RLN2: variants seen among roughly 807,000 people sequenced by gnomAD.
The protein encoded by RLN2 is relaxin 2.
In RLN2, 10 loss-of-function variants were observed where a neutral mutation model predicts 7.3. That is an observed-to-expected ratio of 1.36 (90% CI 0.84 to 2.31). RLN2 has a LOEUF of 2.31. Among genes scored for constraint, RLN2 ranks in the 30% most tolerant of loss-of-function variants. The pLI, the probability that RLN2 is intolerant of heterozygous loss-of-function variation, is 0.00. For synonymous variants in RLN2, 103 were observed against 82.3 expected (o/e 1.25, Z -1.36); for missense variants, 298 against 217.6 (o/e 1.37, Z -2.32).
chr9:5,307,961 T>C (rs1385248390), upstream of RLN2, among the ~76,000 whole-genome samples: 1 of 152,066 alleles, frequency 6.6e-6, no homozygotes, highest in East Asian at 1.9e-4. Context: ...TCTTATTGTT[T>C]CCCATGATCT....
rs771949229 is a variant in RLN2 at position 5,304,591 on chromosome 9, G to A, written c.-11C>T. On this transcript the variant is annotated 5_prime_UTR_variant, in exon 1 of 2. Transcript: ENST00000381627. ...AAACAGGCGAGGCATCCTGGGCCTG[G>A]TCTCTCCTGGAGGTCGGGACGTTGC... is the stretch of plus-strand genomic sequence containing the variant. 1.1e-5 allele frequency: 18 copies of A among 1,613,044 alleles called. 1 individual carries two copies. The highest frequency in any genetic ancestry group is 1.4e-5 in the Non-Finnish European group (17 of 1,179,364).
At chr9:5,301,534 T>C (rs1314119921) in intron 1 of RLN2, among the ~76,000 whole-genome samples, 2 of 152,222 alleles carry the variant, frequency 1.3e-5, no homozygotes, top group Non-Finnish European at 2.9e-5. Context: ...CGATGATGTT[T>C]AAATTACAGT....
At chr9:5,325,542 T>C in the RLN2 span, among the ~76,000 whole-genome samples, 1 of 151,988 alleles carries the variant, frequency 6.6e-6, no homozygotes, top group East Asian at 1.9e-4. Flanking sequence ...ATGGCCTGTA[T>C]CACAAAGAAA....
the RLN2 span, among the ~76,000 whole-genome samples, chr9:5,317,899 G>C: frequency 6.6e-6 from 1 of 151,960 alleles, no homozygotes; most frequent in Admixed American, 6.6e-5. Flanking sequence ...TGTTGACGAA[G>C]TGTGGGAGAG....
the RLN2 span, among the ~76,000 whole-genome samples, chr9:5,313,270 G>A: frequency 1.3e-5 from 2 of 152,012 alleles, no homozygotes; most frequent in African/African-American, 2.4e-5. Flanking sequence ...GAATGCATAT[G>A]TATTTACTTT....
At chr9:5,327,848 C>T in the RLN2 span, among the ~76,000 whole-genome samples, 8 of 152,086 alleles carry the variant, frequency 5.3e-5, no homozygotes, top group African/African-American at 1.7e-4. Context: ...AACTAATAAA[C>T]GGAAATGAAT....
chr9:5,311,969 C>T, the RLN2 span, among the ~76,000 whole-genome samples: 5 of 151,906 alleles, frequency 3.3e-5, no homozygotes, highest in Non-Finnish European at 7.4e-5. Context: ...CAAACAACCC[C>T]ATCAAAAAGT....
chr9:5,337,420 A>C, the RLN2 span, among the ~76,000 whole-genome samples: 1 of 152,060 alleles, frequency 6.6e-6, no homozygotes, highest in East Asian at 1.9e-4. Context: ...GGCTCAGAGA[A>C]AATATTCTGT....
the RLN2 span, among the ~76,000 whole-genome samples, chr9:5,332,100 TAA>T: frequency 0.012 from 1,840 of 152,110 alleles, 31 homozygotes; most frequent in Middle Eastern, 0.031. Flanking sequence ...GAAATAATAT[TAA>T]GTCAATTAAA....
the RLN2 span, among the ~76,000 whole-genome samples, chr9:5,320,812 A>T: frequency 6.6e-6 from 1 of 152,136 alleles, no homozygotes; most frequent in South Asian, 2.1e-4. Context: ...TGGAAGAAAG[A>T]TAGTTCTGTC....
At chr9:5,327,758 C>G in the RLN2 span, among the ~76,000 whole-genome samples, 5 of 152,062 alleles carry the variant, frequency 3.3e-5, no homozygotes, top group South Asian at 8.3e-4. Context: ...ACTGGTGATA[C>G]CCAGGCAAAT....
At chr9:5,326,554 T>C in the RLN2 span, among the ~76,000 whole-genome samples, 3 of 151,808 alleles carry the variant, frequency 2.0e-5, no homozygotes, top group South Asian at 2.1e-4. Flanking sequence ...ACTCAGAGCA[T>C]AGGGCAGTGA....
In RLN2 at chr9:5,304,585, G is replaced by A; in HGVS notation, c.-5C>T. The A allele has an allele frequency of 6.2e-7, 1 of 1,613,474 alleles. No individual in the cohort carries two copies. ...GAAAAAAAACAGGCGAGGCATCCTGGGCCTGGTCTCTCCTGGAGGTCGGGA... is the reference window on the plus strand; with the variant it reads ...GAAAAAAAACAGGCGAGGCATCCTGAGCCTGGTCTCTCCTGGAGGTCGGGA... On this transcript the variant is annotated 5_prime_UTR_variant, in exon 1 of 2. Coordinates refer to ENST00000381627, the MANE Select transcript of RLN2 (RefSeq NM_134441.3).
upstream of RLN2, among the ~76,000 whole-genome samples, chr9:5,309,483 CTCACTCCCT>C (rs2130999049): frequency 6.6e-6 from 1 of 152,154 alleles, no homozygotes; most frequent in South Asian, 2.1e-4. Flanking sequence ...CTCAGTCCTA[CTCACTCCCT>C]GACAGTTCCC....
At chr9:5,316,592 C>T in the RLN2 span, among the ~76,000 whole-genome samples, 9 of 151,996 alleles carry the variant, frequency 5.9e-5, no homozygotes, top group Non-Finnish European at 1.0e-4. Flanking sequence ...TGGTTTCCAA[C>T]TTCATCCATA....
chr9:5,301,351 A>C (rs1054994326), intron 1 of RLN2, among the ~76,000 whole-genome samples: 4 of 152,200 alleles, frequency 2.6e-5, no homozygotes, highest in Admixed American at 2.6e-4. Flanking sequence ...CATTCAGCTC[A>C]GTTGAACATT....
chr9:5,317,674 C>A, the RLN2 span, among the ~76,000 whole-genome samples: 2 of 151,704 alleles, frequency 1.3e-5, no homozygotes, highest in African/African-American at 4.8e-5. Flanking sequence ...TTCTAACATA[C>A]AAAGACCTTT....
Position 5,300,427 on chromosome 9 carries a change from T to G in RLN2, c.229A>C (p.Ile77Leu). The G allele has an allele frequency of 6.2e-7, 1 of 1,604,718 alleles. No homozygotes were observed. The highest frequency in any genetic ancestry group is 8.5e-7 in the Non-Finnish European group (1 of 1,176,036). The change falls in exon 2 of 2, where the codon ATC becomes CTC. Residue 77 changes from isoleucine (I) to leucine (L), a missense_variant. By Grantham distance (5) the Ile-to-Leu change is conservative. Coordinates refer to ENST00000381627, the MANE Select transcript of RLN2 (RefSeq NM_134441.3). The stretch of plus-strand genomic sequence containing the variant: ...TTTATGGTTTCTGTATCTTTGTTGA[T>G]GAAGGATGGCACAATTTCTGTTAAA... ...RPVAEIVPSF[I>L]NKDTETINMM...
the RLN2 span, among the ~76,000 whole-genome samples, chr9:5,312,754 G>A: frequency 2.3e-3 from 340 of 151,082 alleles, 2 homozygotes; most frequent in Non-Finnish European, 4.1e-3. Flanking sequence ...GCTGCATCCC[G>A]TAAGTTTTGG....
Sources: gnomAD v4.1 joint callset for allele counts (sites outside exome capture counted in the v4.1 genomes callset) on GRCh38, gnomAD v4.1.1 for gene constraint, MANE v1.5 for transcripts, NCBI Gene and HGNC (gene_info 2026-07-23, HGNC 2026-07-21) for gene names.